CDK9: variants seen among roughly 807,000 people sequenced by gnomAD.
CDK9 encodes the protein cyclin-dependent kinase 9.
CDK9 carries 34 observed loss-of-function variants against 39.0 expected under a neutral mutation model. The ratio of observed to expected loss-of-function variants is 0.87; its 90% confidence interval spans 0.66 to 1.16. The LOEUF (loss-of-function observed/expected upper bound fraction) is 1.16. Among genes scored for constraint, CDK9 ranks in the 50% most tolerant of loss-of-function variants. The pLI is 0.00. For synonymous variants in CDK9, 233 were observed against 196.2 expected (o/e 1.19, Z -1.57); for missense variants, 369 against 503.2 (o/e 0.73, Z 2.55).
rs1829360134 is a variant in CDK9, at chr9:127,787,932, C to T, written c.266-15C>T. 1.2e-6 allele frequency: 2 copies of T among 1,613,312 alleles called. No individual in the cohort carries two copies. Among genetic ancestry groups the T allele is most frequent in the Non-Finnish European group, 1.7e-6 (2 of 1,179,362 alleles). On this transcript the variant is annotated splice_polypyrimidine_tract_variant and intron_variant, in intron 3 of 6. Transcript: ENST00000373264. ...TGGTTTTCTTGACTTTTTCTTCTTT[C>T]TATTCCTGCCTCAGCTTCCCCCTAT...
rs1829393189 is a variant in CDK9 at position 127,789,616 on chromosome 9, C to T, written c.*73C>T. ...TGTGACTTGCATCGTGGAGACAGGG[C>T]ATTTGAGTTTATATCTCTCATGCAT... On this transcript the variant is annotated 3_prime_UTR_variant, in exon 7 of 7. Coordinates refer to ENST00000373264, the MANE Select transcript of CDK9 (RefSeq NM_001261.4). The surrounding 1 kb of genome is among the most constrained non-coding windows in gnomAD (Gnocchi z 5.2). The T allele has an allele frequency of 1.3e-6, 2 of 1,539,936 alleles. No individual in the cohort carries two copies. The highest frequency in any genetic ancestry group is 2.3e-5 in the East Asian group (1 of 44,308).
intron 1 of CDK9, 69 bp from the exon 2 acceptor site, chr9:127,786,632 G>C (rs1176203888): frequency 8.1e-6 from 11 of 1,353,986 alleles, no homozygotes; most frequent in Non-Finnish European, 1.0e-5. Context: ...CCCTCCTCCT[G>C]TAGTGGGGGA....
rs774932151 is a variant in CDK9 at position 127,786,241 on chromosome 9, G to A, written c.92+1G>A. 1.5e-5 allele frequency: 24 copies of A among 1,607,292 alleles called. No homozygotes were observed. Among genetic ancestry groups the A allele is most frequent in the Admixed American group, 3.4e-5 (2 of 59,644 alleles). ...CCAAGATCGGCCAAGGCACCTTCGG[G>A]TAAGGCTGGGCCCCTCGGGGCCGGG... On this transcript the variant is annotated splice_donor_variant, in intron 1 of 6. Transcript: ENST00000373264. LOFTEE classifies it high-confidence loss of function.
At chr9:127,788,715 G>A in intron 6 of CDK9, 23 bp downstream of exon 6, 2 of 1,567,968 alleles carry the variant, frequency 1.3e-6, no homozygotes, top group South Asian at 2.4e-5. Context: ...GGTCCCCACG[G>A]GGTGCAGAGA....
intron 6 of CDK9, among the ~76,000 whole-genome samples, chr9:127,788,927 T>C (rs1166143539): frequency 6.6e-6 from 1 of 152,036 alleles, no homozygotes; most frequent in African/African-American, 2.4e-5. Flanking sequence ...CAGCGCTGGG[T>C]TTCTCTTCTG....
At chr9:127,787,004 C>G (rs1433000924) in intron 2 of CDK9, among the ~76,000 whole-genome samples, 2 of 152,190 alleles carry the variant, frequency 1.3e-5, no homozygotes, top group African/African-American at 4.8e-5. Flanking sequence ...ATCGTGTGCA[C>G]TTTATTTCAC....
rs566144307 is a variant in CDK9 at position 127,786,174 on chromosome 9, A to C, written c.26A>C (p.Glu9Ala). ...ATGGCAAAGCAGTACGACTCGGTGG[A>C]GTGCCCTTTTTGTGATGAAGTTTCC... MAKQYDSV[E>A]CPFCDEVSKY... The change falls in exon 1 of 7, where the codon GAG becomes GCG. Residue 9 changes from glutamate to alanine, a missense_variant. Transcript: ENST00000373264. 6.2e-7 allele frequency: 1 copy of C among 1,608,946 alleles called. No homozygotes were observed. Among genetic ancestry groups the C allele is most frequent in the South Asian group, 1.1e-5 (1 of 90,786 alleles).
Position 127,786,656 on chromosome 9 carries a change from C to A in CDK9, c.93-45C>A, listed in dbSNP as rs375099649. On this transcript the variant is annotated intron_variant, in intron 1 of 6. Transcript: ENST00000373264. ...TGTAGTGGGGGAGGGGCGGGCCCTG[C>A]GGAAATGGCCTGATGAGTTCTCGGG... is the stretch of plus-strand genomic sequence containing the variant. 5.2e-6 allele frequency: 8 copies of A among 1,544,196 alleles called. No individual in the cohort carries two copies. The African/African-American group carries it at 9.5e-5, about 18-fold the overall frequency.
chr9:127,789,401 G>A lies in CDK9; in HGVS notation c.977G>A (p.Gly326Asp), dbSNP rs1564433682. Residue 326 changes from glycine (G) to aspartate (D), a missense_variant, in exon 7 of 7, where the codon GGC (glycine) becomes GAC (aspartate). By Grantham distance (94) the Gly-to-Asp change is moderately conservative. Transcript: ENST00000373264. This position sits in a 1 kb window ranked among gnomAD's most constrained non-coding sequence, Gnocchi z 5.2. Reference sequence around the variant, plus strand: ...GACCCCATGCCCTCCGACCTCAAGGGCATGCTCTCCACCCACCTGACGTCC... The same window carrying A: ...GACCCCATGCCCTCCGACCTCAAGGACATGCTCTCCACCCACCTGACGTCC... Reference protein sequence around the residue: ...WSDPMPSDLKGMLSTHLTSMF... With the variant: ...WSDPMPSDLKDMLSTHLTSMF... 2 of 1,613,974 alleles carry A rather than the reference G, an allele frequency of 1.2e-6. No homozygotes were observed. The highest frequency in any genetic ancestry group is 3.3e-4 in the Middle Eastern group (2 of 6,062).
chr9:127,786,114 C>G lies in CDK9; in HGVS notation c.-35C>G. The G allele has an allele frequency of 6.5e-7, 1 of 1,527,262 alleles. No homozygotes were observed. The allele number at this position is 1,527,262 out of a possible 1,614,324, so 94.6% of individuals were successfully genotyped here. On this transcript the variant is annotated 5_prime_UTR_variant, in exon 1 of 7. Coordinates refer to ENST00000373264, the MANE Select transcript of CDK9 (RefSeq NM_001261.4). ...CCCGGAGCAGGAGCGGCGGCAGCAG[C>G]GACTGGGGGCGGCGGCGGCGCGTTG...
At chr9:127,787,355 T>C in intron 2 of CDK9, 163 bp from the exon 3 acceptor site, 1 of 513,074 alleles carries the variant, frequency 1.9e-6, no homozygotes, top group Non-Finnish European at 3.5e-6. Flanking sequence ...CATCTTGAAG[T>C]GTGCATGCTA....
intron 5 of CDK9, 58 bp from the exon 6 acceptor site, chr9:127,788,486 T>C: frequency 6.5e-7 from 1 of 1,532,308 alleles, no homozygotes; most frequent in Non-Finnish European, 8.8e-7. Flanking sequence ...CCCTGGGGCA[T>C]TGAGCCTCAG....
At chr9:127,786,946 A>G (rs1036142850) in intron 2 of CDK9, among the ~76,000 whole-genome samples, 164 bp downstream of exon 2, 1 of 152,178 alleles carries the variant, frequency 6.6e-6, no homozygotes, top group Non-Finnish European at 1.5e-5. Flanking sequence ...TAAATGTTTC[A>G]TTCTTAGGCA....
Position 127,788,088 on chromosome 9 carries a change from G to C in CDK9, c.407G>C (p.Gly136Ala). ...AGGGTGATGCAGATGCTGCTTAACG[G>C]CCTCTACTACATCCACAGAAACAAG... ...IKRVMQMLLN[G>A]LYYIHRNKIL... Residue 136 changes from glycine (G) to alanine (A), a missense_variant, in exon 4 of 7, where the codon GGC becomes GCC. By Grantham distance (60) the Gly-to-Ala change is moderately conservative. Transcript: ENST00000373264. 1 of 1,614,206 alleles carries C rather than the reference G, an allele frequency of 6.2e-7. No homozygotes were observed. The highest frequency in any genetic ancestry group is 8.5e-7 in the Non-Finnish European group (1 of 1,180,040).
intron 4 of CDK9, 44 bp from the exon 5 acceptor site, chr9:127,788,166 ACTCC>A (rs1829364618): frequency 6.2e-7 from 1 of 1,612,782 alleles, no homozygotes. Context: ...CTTGGCTCCC[ACTCC>A]CGGGTGGATG....
Position 127,788,027 on chromosome 9 carries a change from A to G in CDK9, c.346A>G (p.Asn116Asp), listed in dbSNP as rs761776626. 6.2e-7 allele frequency: 1 copy of G among 1,614,194 alleles called. No homozygotes were observed. The highest frequency in any genetic ancestry group is 1.1e-5 in the South Asian group (1 of 91,078). Reference protein sequence around the residue: ...CEHDLAGLLSNVLVKFTLSEI... With the variant: ...CEHDLAGLLSDVLVKFTLSEI... Reference sequence around the variant, plus strand: ...GCATGACCTTGCTGGGCTGTTGAGCAATGTTTTGGTCAAGTTCACGCTGTC... The same window carrying G: ...GCATGACCTTGCTGGGCTGTTGAGCGATGTTTTGGTCAAGTTCACGCTGTC... Residue 116 changes from asparagine to aspartate, a missense_variant, in exon 4 of 7, where the codon AAT becomes GAT. Physicochemically the swap from Asn to Asp is conservative, Grantham distance 23. Coordinates refer to ENST00000373264, the MANE Select transcript of CDK9 (RefSeq NM_001261.4).
rs376235327 is a variant in CDK9, at chr9:127,788,005, T to C, written c.324T>C (p.His108=). Residue 108 remains histidine, a synonymous_variant, in exon 4 of 7, where the codon CAT becomes CAC. Coordinates refer to ENST00000373264, the MANE Select transcript of CDK9 (RefSeq NM_001261.4). ...ACCTGGTGTTCGACTTCTGCGAGCATGACCTTGCTGGGCTGTTGAGCAATG... is the reference window on the plus strand; with the variant it reads ...ACCTGGTGTTCGACTTCTGCGAGCACGACCTTGCTGGGCTGTTGAGCAATG... The part of the protein sequence containing the change: ...SIYLVFDFCE[H]DLAGLLSNVL... 8 of 1,614,126 alleles carry C rather than the reference T, an allele frequency of 5.0e-6. No homozygotes were observed. The African/African-American group carries it at 1.1e-4, about 22-fold the overall frequency.
chr9:127,789,614 G>A lies in CDK9; in HGVS notation c.*71G>A. 1.9e-6 allele frequency: 3 copies of A among 1,547,068 alleles called. No individual in the cohort carries two copies. In the South Asian group the frequency reaches 3.7e-5, roughly 19 times the overall value. ...TATGTGACTTGCATCGTGGAGACAG[G>A]GCATTTGAGTTTATATCTCTCATGC... On this transcript the variant is annotated 3_prime_UTR_variant, in exon 7 of 7. Transcript: ENST00000373264. This position sits in a 1 kb window ranked among gnomAD's most constrained non-coding sequence, Gnocchi z 5.2.
chr9:127,786,718 G>A lies in CDK9; in HGVS notation c.110G>A (p.Arg37Lys). The stretch of plus-strand genomic sequence containing the variant: ...GCCTGCAGGGAGGTGTTCAAGGCCA[G>A]GCACCGCAAGACCGGCCAGAAGGTG... ...QGTFGEVFKA[R>K]HRKTGQKVAL... The change falls in exon 2 of 7, where the codon AGG (arginine) becomes AAG (lysine). Residue 37 changes from arginine (R) to lysine (K), a missense_variant. Arg to Lys is a conservative substitution (Grantham distance 26, BLOSUM62 2). Transcript: ENST00000373264. The A allele has an allele frequency of 6.2e-7, 1 of 1,614,038 alleles. No homozygotes were observed. The highest frequency in any genetic ancestry group is 1.3e-5 in the African/African-American group (1 of 75,060).
Sources: allele counts gnomAD v4.1 joint callset (sites outside exome capture counted in the v4.1 genomes callset), GRCh38; gene constraint gnomAD v4.1.1; non-coding constraint Gnocchi (gnomAD v3.1); transcripts MANE v1.5; gene names NCBI Gene and HGNC (gene_info 2026-07-23, HGNC 2026-07-21).